Variants in ZFR observed in about 807,000 individuals in gnomAD.
The protein encoded by ZFR is zinc finger RNA binding protein.
ZFR carries 19 observed loss-of-function variants against 130.7 expected under a neutral mutation model. That is an observed-to-expected ratio of 0.15 (90% CI 0.10 to 0.21). ZFR has a LOEUF of 0.21. Ranked by LOEUF, ZFR falls within the 10% of genes least tolerant of loss-of-function variation. ZFR has a pLI of 1.00. For synonymous variants in ZFR, 466 were observed against 456.9 expected, an observed-to-expected ratio of 1.02 and a Z score of -0.25; for missense variants, 872 against 1,321.5, an observed-to-expected ratio of 0.66 and a Z score of 5.27.
At chr5:32,403,451 G>GT in intron 7 of ZFR, 54 bp from the exon 8 acceptor site, 2 of 1,565,398 alleles carry the variant, frequency 1.3e-6, no homozygotes, top group Non-Finnish European at 1.7e-6. Context: ...ATTTTGAAAA[G>GT]TCTGCCTGGA....
intron 2 of ZFR, 66 bp from the exon 3 acceptor site, chr5:32,420,169 T>C: frequency 3.7e-6 from 5 of 1,360,530 alleles, no homozygotes; most frequent in Non-Finnish European, 4.8e-6. Flanking sequence ...CCAACTTCAA[T>C]TAAAAGCTAT....
chr5:32,384,475 A>G (rs1277687322), intron 15 of ZFR, among the ~76,000 whole-genome samples: 1 of 152,224 alleles, frequency 6.6e-6, no homozygotes, highest in African/African-American at 2.4e-5. Flanking sequence ...CAGTGTCTTA[A>G]AAAATTGCTT....
intron 9 of ZFR, among the ~76,000 whole-genome samples, chr5:32,398,353 T>C (rs534733830): frequency 6.6e-6 from 1 of 152,314 alleles, no homozygotes; most frequent in African/African-American, 2.4e-5. Flanking sequence ...AATATGTAAC[T>C]TTATGGAAAA....
intron 17 of ZFR, among the ~76,000 whole-genome samples, chr5:32,377,848 T>G (rs548138103): frequency 6.6e-6 from 1 of 152,090 alleles, no homozygotes; most frequent in Non-Finnish European, 1.5e-5. Context: ...CCCGCCACCA[T>G]GCCCAGCTAA....
intron 2 of ZFR, among the ~76,000 whole-genome samples, chr5:32,428,004 T>C (rs1754114668): frequency 6.6e-6 from 1 of 152,144 alleles, no homozygotes; most frequent in Non-Finnish European, 1.5e-5. Context: ...GCTAAAACTA[T>C]ACAACTCTTA....
At chr5:32,434,133 T>G (rs1754281031) in intron 2 of ZFR, among the ~76,000 whole-genome samples, 1 of 152,246 alleles carries the variant, frequency 6.6e-6, no homozygotes, top group South Asian at 2.1e-4. Flanking sequence ...TAGGATATTC[T>G]GGTTCTCCTC....
In ZFR at chr5:32,417,511, T is replaced by C. The variant is rs765146998; in HGVS notation, c.565+137A>G. 6.1e-6 allele frequency: 6 copies of C among 978,042 alleles called. No individual in the cohort carries two copies. The East Asian group carries it at 1.0e-4, about 16-fold the overall frequency. 60.6% of individuals were successfully genotyped at this position (978,042 alleles called of 1,614,324 possible). On this transcript the variant is annotated intron_variant, in intron 4 of 19. Transcript: ENST00000265069. ...TGAATTGTGACTCCAAGGCATTTAGTAGGACAGGTCTAGAACCTGCCTCCT... is the reference window on the plus strand; with the variant it reads ...TGAATTGTGACTCCAAGGCATTTAGCAGGACAGGTCTAGAACCTGCCTCCT...
chr5:32,436,294 G>A (rs1190450876), intron 2 of ZFR, among the ~76,000 whole-genome samples: 1 of 151,094 alleles, frequency 6.6e-6, no homozygotes, highest in African/African-American at 2.4e-5. Flanking sequence ...GACTACAGGC[G>A]CCCACCACCA....
chr5:32,381,008 CAG>C (rs1752924192), intron 15 of ZFR, among the ~76,000 whole-genome samples: 3 of 151,948 alleles, frequency 2.0e-5, no homozygotes, highest in South Asian at 2.1e-4. Context: ...TTTTAGTTAT[CAG>C]AGAGTATGAA....
At chr5:32,367,478 A>G (rs538066645) in intron 17 of ZFR, among the ~76,000 whole-genome samples, 1,782 of 151,910 alleles carry the variant, frequency 0.012, 32 homozygotes, top group African/African-American at 0.041. Context: ...ATAAATAAAT[A>G]AATAAATAAA....
intron 9 of ZFR, among the ~76,000 whole-genome samples, chr5:32,398,803 C>T (rs1753376073): frequency 2.6e-5 from 4 of 151,838 alleles, no homozygotes; most frequent in Admixed American, 2.6e-4. Flanking sequence ...TGTGCCTCAG[C>T]GTCCCGAGTA....
Position 32,395,220 on chromosome 5 carries a change from T to C in ZFR, c.1918A>G (p.Met640Val). The change falls in exon 11 of 20, where the codon ATG becomes GTG. Residue 640 changes from methionine to valine, a missense_variant. Physicochemically the swap from Met to Val is conservative, Grantham distance 21 (BLOSUM62 1). This residue lies in a region of ZFR where 54 missense variants were observed against 119.9 expected (regional missense o/e 0.45). Transcript: ENST00000265069. The part of the protein sequence containing the change: ...KIQEEKMRKQ[M>V]QKEEYWRRRE... ...CTTCGCCAGTACTCCTCCTTCTGCA[T>C]TTGCTTCCTCATTTTCTCTTCTTGA... is the stretch of plus-strand genomic sequence containing the variant. 2 of 1,611,114 alleles carry C rather than the reference T, an allele frequency of 1.2e-6. No homozygotes were observed. Among genetic ancestry groups the C allele is most frequent in the South Asian group, 1.1e-5 (1 of 90,778 alleles).
chr5:32,414,139 C>G (rs1310193118), intron 5 of ZFR, among the ~76,000 whole-genome samples: 1 of 152,216 alleles, frequency 6.6e-6, no homozygotes, highest in East Asian at 1.9e-4. Flanking sequence ...CTAGCCTCAT[C>G]TACTGACATT....
chr5:32,367,634 G>C (rs1752576353), intron 17 of ZFR, among the ~76,000 whole-genome samples: 1 of 152,038 alleles, frequency 6.6e-6, no homozygotes, highest in Non-Finnish European at 1.5e-5. Flanking sequence ...AGCTGGTCTT[G>C]AACTCCTGGG....
chr5:32,441,017 C>G (rs1362467524), intron 2 of ZFR, among the ~76,000 whole-genome samples: 1 of 152,104 alleles, frequency 6.6e-6, no homozygotes, highest in Non-Finnish European at 1.5e-5. Context: ...CTCTGTTGCC[C>G]AGCCAGAGTG....
chr5:32,421,785 G>T (rs1332611372), intron 2 of ZFR, among the ~76,000 whole-genome samples: 1 of 152,076 alleles, frequency 6.6e-6, no homozygotes, highest in Admixed American at 6.6e-5. Context: ...TCTGGATGAG[G>T]TTTCCATATT....
chr5:32,416,825 G>A (rs901576221), intron 4 of ZFR, among the ~76,000 whole-genome samples: 14 of 151,754 alleles, frequency 9.2e-5, no homozygotes, highest in African/African-American at 3.4e-4. Flanking sequence ...AGCCAGTACT[G>A]GAAGCCAATT....
chr5:32,415,513 T>TGCGCGC (rs1349570905), intron 4 of ZFR, among the ~76,000 whole-genome samples: 5 of 92,250 alleles, frequency 5.4e-5, no homozygotes, highest in Admixed American at 1.0e-4. Context: ...TGTGTGTGTG[T>TGCGCGC]GTGCGCGCGC....
At chr5:32,402,754 G>A (rs1025873950) in intron 8 of ZFR, among the ~76,000 whole-genome samples, 2 of 149,978 alleles carry the variant, frequency 1.3e-5, no homozygotes, top group South Asian at 2.1e-4. Flanking sequence ...CTCCAGCCTC[G>A]GTGACAGAGT....
Sources: gnomAD v4.1 joint callset for allele counts (sites outside exome capture counted in the v4.1 genomes callset) on GRCh38, gnomAD v4.1.1 for gene constraint, gnomAD v4.1.1 regional missense constraint, MANE v1.5 for transcripts, NCBI Gene and HGNC (gene_info 2026-07-23, HGNC 2026-07-21) for gene names.